The following KCNIP4 variants were observed in gnomAD, a reference collection of about 807,000 sequenced individuals.
KCNIP4 encodes potassium voltage-gated channel interacting protein 4.
A neutral mutation model predicts 34.0 loss-of-function variants in KCNIP4; 12 were observed. The ratio of observed to expected loss-of-function variants is 0.35; its 90% CI spans 0.23 to 0.57. The LOEUF (loss-of-function observed/expected upper bound fraction) is 0.57. Among genes scored for constraint, KCNIP4 ranks in the 20% least tolerant of loss-of-function variants. The pLI is 0.83. For missense variants in KCNIP4, 238 were observed against 311.7 expected (o/e 0.76, Z 1.78); for synonymous variants, 124 against 102.2 (o/e 1.21, Z -1.29).
intron 1 of KCNIP4, among the ~76,000 whole-genome samples, chr4:21,153,129 G>A (rs1045739169): frequency 6.6e-6 from 1 of 152,120 alleles, no homozygotes; most frequent in Non-Finnish European, 1.5e-5. Context: ...ATTTGCACAG[G>A]TGTATGCACA....
intron 1 of KCNIP4, among the ~76,000 whole-genome samples, chr4:21,928,697 G>C (rs1308292456): frequency 6.6e-6 from 1 of 151,960 alleles, no homozygotes; most frequent in Non-Finnish European, 1.5e-5. Context: ...CCCTGATTAA[G>C]CAAAGGATTA....
At chr4:21,624,071 T>A (rs1354955404) in intron 1 of KCNIP4, among the ~76,000 whole-genome samples, 1 of 152,106 alleles carries the variant, frequency 6.6e-6, no homozygotes, top group Admixed American at 6.6e-5. Flanking sequence ...CTTTCTTCCC[T>A]TCCCTCCCCA....
At position 21,913,295 on chromosome 4, in the gene KCNIP4, C is replaced by T. The variant is rs145281630; in HGVS notation, c.61+35276G>A. Among the ~76,000 whole-genome samples the T allele has an allele frequency of 7.8e-3, 1,185 of 151,700 alleles. 10 individuals carry two copies. Among genetic ancestry groups the T allele is most frequent in the South Asian group, 0.014 (65 of 4,798 alleles). On this transcript the variant is annotated intron_variant, in intron 1 of 8. Transcript: ENST00000382152. Reference sequence around the variant, plus strand: ...TTGGGGGCTGCAGTGAGCTATGATGCTACAACTGCACTCCAGCCTGGTGAC... The same window carrying T: ...TTGGGGGCTGCAGTGAGCTATGATGTTACAACTGCACTCCAGCCTGGTGAC...
At chr4:20,936,816 G>A (rs1314382342) in intron 1 of KCNIP4, among the ~76,000 whole-genome samples, 1 of 152,132 alleles carries the variant, frequency 6.6e-6, no homozygotes, top group African/African-American at 2.4e-5. Flanking sequence ...GCCAAAGGCT[G>A]GTACCTGAAA....
At chr4:21,626,920 G>C (rs1357097575) in intron 1 of KCNIP4, among the ~76,000 whole-genome samples, 2 of 151,974 alleles carry the variant, frequency 1.3e-5, no homozygotes, top group Non-Finnish European at 2.9e-5. Flanking sequence ...TTGTGCAACT[G>C]TCTGGCTTAC....
intron 1 of KCNIP4, among the ~76,000 whole-genome samples, chr4:21,897,293 C>T (rs1727449681): frequency 6.6e-6 from 1 of 151,800 alleles, no homozygotes; most frequent in Non-Finnish European, 1.5e-5. Context: ...TTCAGAAGTT[C>T]TAATAAGACA....
intron 1 of KCNIP4, among the ~76,000 whole-genome samples, chr4:21,004,127 G>T (rs1738360030): frequency 1.3e-5 from 2 of 152,156 alleles, no homozygotes; most frequent in African/African-American, 4.8e-5. Flanking sequence ...GATTTAAGGG[G>T]TGAGGAAAGG....
chr4:21,032,275 G>A (rs114019110), intron 1 of KCNIP4, among the ~76,000 whole-genome samples: 3,113 of 152,236 alleles, frequency 0.02, 45 homozygotes, highest in Non-Finnish European at 0.03. Flanking sequence ...TGTTTGCGCT[G>A]GGCTTAGAGG....
chr4:21,859,563 G>A (rs1448386483), intron 1 of KCNIP4, among the ~76,000 whole-genome samples: 1 of 151,604 alleles, frequency 6.6e-6, no homozygotes, highest in Admixed American at 6.6e-5. Context: ...GGGAGGCGGA[G>A]CTTGCAGTGA....
At chr4:21,329,760 C>A (rs193193256) in intron 1 of KCNIP4, among the ~76,000 whole-genome samples, 5 of 152,274 alleles carry the variant, frequency 3.3e-5, no homozygotes, top group East Asian at 3.9e-4. Flanking sequence ...ATATTACATA[C>A]AATACCATGC....
At chr4:21,333,380 A>G (rs1009964718) in intron 1 of KCNIP4, among the ~76,000 whole-genome samples, 4 of 151,802 alleles carry the variant, frequency 2.6e-5, no homozygotes, top group Non-Finnish European at 5.9e-5. Context: ...ATAACCTAAA[A>G]TTAAAAAAAA....
At chr4:20,955,345 A>G (rs1364586677) in intron 1 of KCNIP4, among the ~76,000 whole-genome samples, 1 of 152,206 alleles carries the variant, frequency 6.6e-6, no homozygotes, top group Non-Finnish European at 1.5e-5. Flanking sequence ...AACAGAGTAC[A>G]GTGGGTCTCT....
At chr4:21,725,519 T>C (rs1027157855) in intron 1 of KCNIP4, among the ~76,000 whole-genome samples, 2 of 152,202 alleles carry the variant, frequency 1.3e-5, no homozygotes, top group African/African-American at 4.8e-5. Flanking sequence ...CATCTGGCTC[T>C]GGCAGAATGA....
At chr4:21,038,747 A>G (rs1024811716) in intron 1 of KCNIP4, among the ~76,000 whole-genome samples, 3 of 152,234 alleles carry the variant, frequency 2.0e-5, no homozygotes, top group Non-Finnish European at 4.4e-5. Flanking sequence ...AGTATTTTAC[A>G]AATATCTACG....
At chr4:21,234,532 A>G (rs1759193844) in intron 1 of KCNIP4, among the ~76,000 whole-genome samples, 1 of 128,584 alleles carries the variant, frequency 7.8e-6, no homozygotes, top group Admixed American at 8.3e-5. Context: ...TATATTACAT[A>G]TAACGTATAT....
At chr4:20,886,495 G>T (rs1725328603) in intron 1 of KCNIP4, among the ~76,000 whole-genome samples, 1 of 152,288 alleles carries the variant, frequency 6.6e-6, no homozygotes, top group Admixed American at 6.5e-5. Context: ...CTAAGGGCTG[G>T]GATATGCACG....
intron 5 of KCNIP4, among the ~76,000 whole-genome samples, chr4:20,735,872 C>A (rs1344039914): frequency 2.6e-5 from 4 of 152,214 alleles, no homozygotes; most frequent in Middle Eastern, 3.4e-3. Context: ...GTTAACGTTA[C>A]AATGTGCTGT....
At chr4:21,431,720 A>G (rs2109667518) in intron 1 of KCNIP4, among the ~76,000 whole-genome samples, 1 of 152,140 alleles carries the variant, frequency 6.6e-6, no homozygotes, top group East Asian at 1.9e-4. Flanking sequence ...ATTGAATTCC[A>G]AGATAGATTA....
At chr4:21,839,675 C>A (rs957963963) in intron 1 of KCNIP4, among the ~76,000 whole-genome samples, 1 of 152,134 alleles carries the variant, frequency 6.6e-6, no homozygotes, top group African/African-American at 2.4e-5. Context: ...ATCATGTGAA[C>A]CTGGGAGGTG....
Sources: gnomAD v4.1 joint callset for allele counts (sites outside exome capture counted in the v4.1 genomes callset) on GRCh38, gnomAD v4.1.1 for gene constraint, MANE v1.5 for transcripts, NCBI Gene and HGNC (gene_info 2026-07-23, HGNC 2026-07-21) for gene names.